Variants in TRIM27 observed in about 807,000 individuals in gnomAD.
TRIM27 encodes zinc finger protein RFP.
Under a neutral mutation model 57.6 loss-of-function variants are expected in TRIM27, and 12 were observed. That is an observed-to-expected ratio of 0.21 (90% confidence interval 0.13 to 0.34). The LOEUF (loss-of-function observed/expected upper bound fraction) is 0.34. TRIM27 is among the 10% of genes least tolerant of loss of function. The pLI, the probability that TRIM27 is intolerant of heterozygous loss-of-function variation, is 1.00. For missense variants in TRIM27, 403 were observed against 656.8 expected, an observed-to-expected ratio of 0.61 and a Z score of 4.22; for synonymous variants, 266 against 259.0, an observed-to-expected ratio of 1.03 and a Z score of -0.26.
In TRIM27 at chr6:28,908,986, T is replaced by C. The variant is rs1448022982; in HGVS notation, c.873A>G (p.Leu291=). 1 of 1,613,812 alleles carries C rather than the reference T, an allele frequency of 6.2e-7. No individual in the cohort carries two copies. The highest frequency in any genetic ancestry group is 8.5e-7 in the Non-Finnish European group (1 of 1,179,776). Residue 291 remains leucine (L), a synonymous_variant, in exon 5 of 8, where the codon CTA becomes CTG. Coordinates refer to ENST00000377199, the MANE Select transcript of TRIM27 (RefSeq NM_006510.5). ...AQKCLFLTES[L]KQFTEKMQSD... Reference sequence around the variant, plus strand: ...TCCTCACATTACCTGTGAACTGCTTTAGACTCTCCGTCAAGAATAGACATT... The same window carrying C: ...TCCTCACATTACCTGTGAACTGCTTCAGACTCTCCGTCAAGAATAGACATT...
chr6:28,907,560 G>T lies in TRIM27; in HGVS notation c.920-298C>A, dbSNP rs569737523. 6.2e-6 allele frequency: 4 copies of T among 644,456 alleles called. No individual in the cohort carries two copies. In the East Asian group the frequency reaches 1.3e-4, roughly 20 times the overall value. 39.9% of individuals were successfully genotyped at this position (644,456 alleles called of 1,614,324 possible). On this transcript the variant is annotated intron_variant, in intron 6 of 7. Coordinates refer to ENST00000377199, the MANE Select transcript of TRIM27 (RefSeq NM_006510.5). ...AATTCCACCTTCCAGTGAGTCAGCTGATTCTGCAGAGGGAAACGCGGTTCC... is the reference window on the plus strand; with the variant it reads ...AATTCCACCTTCCAGTGAGTCAGCTTATTCTGCAGAGGGAAACGCGGTTCC...
In TRIM27 at chr6:28,912,881, T is replaced by C. The variant is rs545787517; in HGVS notation, c.748-1163A>G. 3.3e-5 allele frequency among the ~76,000 whole-genome samples: 5 copies of C among 152,338 alleles called. No homozygotes were observed. In the South Asian group the frequency reaches 6.2e-4, roughly 19 times the overall value. ...CATAATTTGTAAAGAAATCAGTGTA[T>C]TGGGATATCCATCACATCGTTAAAT... On this transcript the variant is annotated intron_variant, in intron 3 of 7. Transcript: ENST00000377199.
At position 28,923,646 on chromosome 6, in the gene TRIM27, G is replaced by A. The variant is rs11545588; in HGVS notation, c.-14C>T. 0.093 allele frequency: 143,752 copies of A among 1,542,524 alleles called. 7,192 individuals carry two copies. The highest frequency in any genetic ancestry group is 0.14 in the African/African-American group (10,540 of 73,578). ...CCCGGAGGCCATGGCGCCGGCCTGC[G>A]GGGGCGCACGGGCATGGGCCCCGGC... On this transcript the variant is annotated 5_prime_UTR_variant, in exon 1 of 8. Coordinates refer to ENST00000377199, the MANE Select transcript of TRIM27 (RefSeq NM_006510.5).
chr6:28,923,767 C>G lies in TRIM27; in HGVS notation c.-135G>C. The G allele has an allele frequency of 9.8e-7, 1 of 1,020,812 alleles. No homozygotes were observed. The highest frequency in any genetic ancestry group is 1.7e-5 in the South Asian group (1 of 57,214). 63.2% of individuals were successfully genotyped at this position (1,020,812 alleles called of 1,614,324 possible). On this transcript the variant is annotated 5_prime_UTR_variant, in exon 1 of 8. Coordinates refer to ENST00000377199, the MANE Select transcript of TRIM27 (RefSeq NM_006510.5). ...GACGGAGGGCGGCGCCTCCCGGGCC[C>G]GTATCCCAGACGCGCCCGCGCACCG...
At chr6:28,907,126 T>C in intron 7 of TRIM27, 110 bp downstream of exon 7, 2 of 1,043,306 alleles carry the variant, frequency 1.9e-6, no homozygotes, top group South Asian at 3.0e-5. Flanking sequence ...TTTATACATG[T>C]AACCAAAAGA....
intron 1 of TRIM27, among the ~76,000 whole-genome samples, chr6:28,922,875 G>T (rs1018230271): frequency 6.6e-6 from 1 of 152,194 alleles, no homozygotes; most frequent in Admixed American, 6.5e-5. Context: ...GCCGATGGGA[G>T]TAAGAGTGTC....
chr6:28,913,445 C>T (rs1052455745), intron 3 of TRIM27, among the ~76,000 whole-genome samples: 30 of 151,768 alleles, frequency 2.0e-4, no homozygotes, highest in African/African-American at 6.8e-4. Context: ...CCTCCCTCTA[C>T]CCTTCCTAGA....
intron 3 of TRIM27, among the ~76,000 whole-genome samples, chr6:28,916,373 G>A (rs3131099): frequency 0.62 from 93,338 of 151,074 alleles, 30,996 homozygotes; most frequent in African/African-American, 0.87. Context: ...ACCAACATGG[G>A]GAAACCCCGT....
At chr6:28,916,042 G>C (rs1773574746) in intron 3 of TRIM27, among the ~76,000 whole-genome samples, 1 of 151,936 alleles carries the variant, frequency 6.6e-6, no homozygotes, top group Admixed American at 6.6e-5. Flanking sequence ...TCAGCCTCCT[G>C]AGTAGCTGGG....
Position 28,922,006 on chromosome 6 carries a change from A to C in TRIM27, c.421-19T>G, listed in dbSNP as rs1360891133. 27 of 1,587,160 alleles carry C rather than the reference A, an allele frequency of 1.7e-5. No individual in the cohort carries two copies. Among genetic ancestry groups the C allele is most frequent in the African/African-American group, 2.7e-5 (2 of 74,380 alleles). On this transcript the variant is annotated intron_variant, in intron 1 of 7. Coordinates refer to ENST00000377199, the MANE Select transcript of TRIM27 (RefSeq NM_006510.5). Reference sequence around the variant, plus strand: ...TTTGCTCCTGAGAAAAGCAAAACAGATGGGCAGTTCAAAATTAGGTAGACC... The same window carrying C: ...TTTGCTCCTGAGAAAAGCAAAACAGCTGGGCAGTTCAAAATTAGGTAGACC...
chr6:28,923,309 C>T lies in TRIM27; in HGVS notation c.324G>A (p.Glu108=), dbSNP rs1242830272. 1.9e-6 allele frequency: 3 copies of T among 1,612,394 alleles called. No individual in the cohort carries two copies. In the African/African-American group the frequency reaches 4.0e-5, roughly 22 times the overall value. ...CCACGCAGATGGGCATCTGGTCCTC[C>T]TCGCAGTACAGCTTCAGGGGCTCGC... ...KHREPLKLYC[E]EDQMPICVVC... is the part of the protein sequence containing the mutation. Residue 108 remains glutamate (E), a synonymous_variant, in exon 1 of 8, where the codon GAG becomes GAA. Coordinates refer to ENST00000377199, the MANE Select transcript of TRIM27 (RefSeq NM_006510.5).
intron 3 of TRIM27, chr6:28,915,018 T>C (rs1773499192): frequency 6.6e-6 from 1 of 152,036 alleles, no homozygotes; most frequent in African/African-American, 2.4e-5. Context: ...CCTATAATTA[T>C]TTTATTTAAC....
chr6:28,910,123 G>GAAAAAAAAAAAAATAAA (rs1773076881), intron 4 of TRIM27, among the ~76,000 whole-genome samples: 1 of 97,622 alleles, frequency 1.0e-5, no homozygotes, highest in Non-Finnish European at 2.2e-5. Context: ...AAAGAAAAAT[G>GAAAAAAAAAAAAATAAA]AAAAAAAAAA....
At chr6:28,914,587 G>A (rs1581503793) in intron 3 of TRIM27, among the ~76,000 whole-genome samples, 1 of 103,842 alleles carries the variant, frequency 9.6e-6, no homozygotes, top group Admixed American at 1.2e-4. Context: ...AGGGTGGGGG[G>A]GGGGGGATGA....
At chr6:28,920,284 T>C (rs763619467) in intron 2 of TRIM27, 42 bp from the exon 3 acceptor site, 5 of 1,520,252 alleles carry the variant, frequency 3.3e-6, no homozygotes, top group Non-Finnish European at 4.4e-6. Context: ...GAAAAACGGC[T>C]CATTTCTAGG....
Position 28,904,173 on chromosome 6 carries a change from C to G in TRIM27, c.1439G>C (p.Gly480Ala). 1.2e-6 allele frequency: 2 copies of G among 1,613,064 alleles called. No individual in the cohort carries two copies. Among genetic ancestry groups the G allele is most frequent in the Non-Finnish European group, 1.7e-6 (2 of 1,180,028 alleles). ...VRPYFSLSYS[G>A]GKSAAPLIIC... ...GATCAGAGGAGCTGCACTTTTCCCT[C>G]CCGAGTAACTCAGACTGAAGTAGGG... Residue 480 changes from glycine (G) to alanine (A), a missense_variant, in exon 8 of 8, where the codon GGA becomes GCA. Coordinates refer to ENST00000377199, the MANE Select transcript of TRIM27 (RefSeq NM_006510.5). The surrounding 1 kb of genome is among the most constrained non-coding windows in gnomAD (Gnocchi z 6.1).
intron 3 of TRIM27, chr6:28,915,710 A>G (rs1271996927): frequency 1.3e-5 from 2 of 152,260 alleles, no homozygotes; most frequent in African/African-American, 4.8e-5. Context: ...CTGCACAAGG[A>G]TAACACACAA....
intron 4 of TRIM27, among the ~76,000 whole-genome samples, chr6:28,910,708 CT>C (rs201303737): frequency 0.012 from 1,820 of 152,216 alleles, 22 homozygotes; most frequent in Non-Finnish European, 0.019. Flanking sequence ...AAATTCAATC[CT>C]TAATGTCACA....
Position 28,903,042 on chromosome 6 carries a change from G to A in TRIM27, c.*1028C>T, listed in dbSNP as rs980437012. On this transcript the variant is annotated 3_prime_UTR_variant, in exon 8 of 8. Coordinates refer to ENST00000377199, the MANE Select transcript of TRIM27 (RefSeq NM_006510.5). ...AGTTTATTTTTAAACAGAGGGGCAC[G>A]TACCCACAGAGAAGCAGGACTGAGA... 17 of 223,788 alleles carry A rather than the reference G, an allele frequency of 7.6e-5. No homozygotes were observed. The highest frequency in any genetic ancestry group is 2.0e-4 in the African/African-American group (9 of 44,740). 13.9% of individuals were successfully genotyped at this position (223,788 alleles called of 1,614,324 possible). A position where few individuals can be genotyped will look rare whatever the true frequency, so the allele number is the denominator to read the frequency against.
Sources: allele counts gnomAD v4.1 joint callset (sites outside exome capture counted in the v4.1 genomes callset), GRCh38; gene constraint gnomAD v4.1.1; non-coding constraint Gnocchi (gnomAD v3.1); transcripts MANE v1.5; gene names NCBI Gene and HGNC (gene_info 2026-07-23, HGNC 2026-07-21).